LIPJ: variants seen among roughly 807,000 people sequenced by gnomAD.
LIPJ encodes lipase member J.
In LIPJ, 33 loss-of-function variants were observed where a neutral mutation model predicts 39.8. The ratio of observed to expected loss-of-function variants is 0.83; its 90% CI spans 0.63 to 1.11. The LOEUF (loss-of-function observed/expected upper bound fraction) is 1.11, where lower values mean the gene tolerates loss of function less well. Ranked by LOEUF, LIPJ falls within the 50% of genes least tolerant of loss-of-function variation. The pLI, the probability that LIPJ is intolerant of heterozygous loss-of-function variation, is 0.00. For missense variants in LIPJ, 422 were observed against 427.9 expected (o/e 0.99, Z 0.12); for synonymous variants, 128 against 139.2 (o/e 0.92, Z 0.57).
the LIPJ span, among the ~76,000 whole-genome samples, chr10:88,613,656 A>G: frequency 1.3e-5 from 2 of 150,946 alleles, no homozygotes; most frequent in Non-Finnish European, 3.0e-5. Flanking sequence ...TAGAAAGCAG[A>G]TTAGTGATTG....
upstream of LIPJ, among the ~76,000 whole-genome samples, chr10:88,584,726 T>A (rs1850848547): frequency 6.6e-6 from 1 of 152,198 alleles, no homozygotes; most frequent in Middle Eastern, 3.2e-3. Flanking sequence ...GCCACCTGAG[T>A]AGCTGGGACT....
At chr10:88,596,751 T>TG (rs767282047) in intron 7 of LIPJ, 39 bp from the exon 8 acceptor site, 1 of 1,523,568 alleles carries the variant, frequency 6.6e-7, no homozygotes, top group South Asian at 1.2e-5. Context: ...GCACTTATTG[T>TG]GGTCATCCAA....
chr10:88,610,488 A>G (rs1851734969), downstream of LIPJ, among the ~76,000 whole-genome samples: 1 of 152,202 alleles, frequency 6.6e-6, no homozygotes, highest in African/African-American at 2.4e-5. Context: ...ATTTATTCAA[A>G]TATTCATAGC....
Position 88,594,018 on chromosome 10 carries a change from A to G in LIPJ, c.203A>G (p.Asn68Ser), listed in dbSNP as rs149504042. 2.6e-4 allele frequency: 415 copies of G among 1,612,240 alleles called. 1 individual carries two copies. The highest frequency in any genetic ancestry group is 3.3e-4 in the Non-Finnish European group (390 of 1,178,832). Residue 68 changes from asparagine (N) to serine (S), a missense_variant, in exon 5 of 11, where the codon AAC (asparagine) becomes AGC (serine). Coordinates refer to ENST00000371939, the Ensembl canonical transcript of LIPJ. ...AGCAGCTGGATTTCCAATCTTCCCA[A>G]CAATAGTCTGGGCTTCATTCTGGCA...
At chr10:88,590,635 G>T in exon 3 of LIPJ, 2 of 1,450,526 alleles carry the variant, frequency 1.4e-6, no homozygotes, top group Admixed American at 1.7e-5. Context: ...CGAATTCTTG[G>T]AATTACTCAT....
upstream of LIPJ, chr10:88,583,511 C>A: frequency 8.4e-7 from 1 of 1,195,830 alleles, no homozygotes; most frequent in Non-Finnish European, 1.0e-6. Context: ...GGAGAACCCG[C>A]CTCGCAACAG....
At chr10:88,615,212 GAATTTCTACA>G in the LIPJ span, among the ~76,000 whole-genome samples, 1 of 152,120 alleles carries the variant, frequency 6.6e-6, no homozygotes, top group Non-Finnish European at 1.5e-5. Flanking sequence ...AATATACAAA[GAATTTCTACA>G]AATTGATTTT....
At chr10:88,601,588 G>A (rs767845541) in intron 8 of LIPJ, among the ~76,000 whole-genome samples, 12 of 152,198 alleles carry the variant, frequency 7.9e-5, no homozygotes, top group South Asian at 4.1e-4. Context: ...GAAAATGTCC[G>A]CAGGATGAAA....
exon 6 of LIPJ, chr10:88,594,750 T>G (rs1222070262): frequency 6.5e-7 from 1 of 1,549,026 alleles, no homozygotes; most frequent in Non-Finnish European, 8.8e-7. Context: ...ATATTTTATG[T>G]AGGCCATTCA....
intron 3 of LIPJ, 87 bp downstream of exon 3, chr10:88,590,783 A>G (rs1851051901): frequency 5.3e-6 from 5 of 942,494 alleles, no homozygotes; most frequent in African/African-American, 3.3e-5. Context: ...ATAGATTTAC[A>G]GTCAAACGTA....
chr10:88,618,445 T>C, the LIPJ span: 1 of 152,474 alleles, frequency 6.6e-6, no homozygotes, highest in African/African-American at 2.4e-5. Flanking sequence ...CAAAGTGTTA[T>C]CTGTCAAGGC....
chr10:88,593,905 A>G, intron 4 of LIPJ, 41 bp from the exon 5 acceptor site: 2 of 1,521,796 alleles, frequency 1.3e-6, no homozygotes, highest in Non-Finnish European at 1.8e-6. Flanking sequence ...CATATAGATA[A>G]CTACAAAATT....
exon 7 of LIPJ, chr10:88,596,375 C>T: frequency 1.3e-6 from 2 of 1,551,594 alleles, no homozygotes; most frequent in Non-Finnish European, 1.7e-6. Flanking sequence ...CTTAAAAAGT[C>T]CTTTAATTAG....
At chr10:88,611,212 AAGG>A (rs1320784511), downstream of LIPJ, among the ~76,000 whole-genome samples, 2 of 152,232 alleles carry the variant, frequency 1.3e-5, no homozygotes, top group Non-Finnish European at 2.9e-5. Context: ...CCAGGGGAAG[AAGG>A]AGAACACCAC....
At position 88,605,546 on chromosome 10, in the gene LIPJ, G is replaced by C. The variant is rs943320825; in HGVS notation, c.796-87G>C. 7 of 834,084 alleles carry C rather than the reference G, an allele frequency of 8.4e-6. No individual in the cohort carries two copies. The East Asian group carries it at 1.3e-4, about 15-fold the overall frequency. 51.7% of individuals were successfully genotyped at this position (834,084 alleles called of 1,614,324 possible). ...AAATACCAGCAGACCCAGTACAATG[G>C]GGGTATATATGCATTGCATGCTTAA... On this transcript the variant is annotated intron_variant, in intron 9 of 10. Coordinates refer to ENST00000371939, the Ensembl canonical transcript of LIPJ.
chr10:88,598,950 AT>A (rs1338639567), intron 8 of LIPJ, among the ~76,000 whole-genome samples: 1 of 107,210 alleles, frequency 9.3e-6, no homozygotes, highest in Non-Finnish European at 1.9e-5. Flanking sequence ...TTTATATTGT[AT>A]TTAATAATAT....
downstream of LIPJ, among the ~76,000 whole-genome samples, chr10:88,608,552 TAAG>T (rs1851713420): frequency 6.6e-6 from 1 of 152,214 alleles, no homozygotes; most frequent in African/African-American, 2.4e-5. Context: ...ACCAAGATGC[TAAG>T]AAGAAAGTCT....
the LIPJ span, chr10:88,618,447 T>C: frequency 1.3e-5 from 2 of 152,476 alleles, no homozygotes; most frequent in Non-Finnish European, 2.9e-5. Flanking sequence ...AAGTGTTATC[T>C]GTCAAGGCAA....
chr10:88,591,956 G>T (rs1168708535), intron 4 of LIPJ: 1 of 151,916 alleles, frequency 6.6e-6, no homozygotes, highest in Admixed American at 6.6e-5. Context: ...ATCAGAGTGT[G>T]GTGCAAAATG....
Sources: gnomAD v4.1 joint callset for allele counts (sites outside exome capture counted in the v4.1 genomes callset) on GRCh38, gnomAD v4.1.1 for gene constraint, MANE v1.5 for transcripts, NCBI Gene and HGNC (gene_info 2026-07-23, HGNC 2026-07-21) for gene names.